Variants in HDAC9 observed in about 807,000 individuals in gnomAD.
HDAC9 encodes MEF-2 interacting transcription repressor (MITR) protein.
In HDAC9, 41 loss-of-function variants were observed where a neutral mutation model predicts 139.4. The ratio of observed to expected loss-of-function variants is 0.29; its 90% CI spans 0.23 to 0.38. HDAC9 has a LOEUF of 0.38. Among genes scored for constraint, HDAC9 ranks in the 10% least tolerant of loss-of-function variants. The pLI is 1.00. For synonymous variants in HDAC9, 517 were observed against 476.2 expected, an observed-to-expected ratio of 1.09 and a Z score of -1.12; for missense variants, 1,147 against 1,297.0, an observed-to-expected ratio of 0.88 and a Z score of 1.78.
rs1443522995 is a variant in HDAC9 at position 18,953,488 on chromosome 7, G to A, written c.2938-658G>A. Among the ~76,000 whole-genome samples the A allele has an allele frequency of 2.6e-5, 4 of 152,218 alleles. No homozygotes were observed. In the East Asian group the frequency reaches 7.7e-4, roughly 29 times the overall value. ...TGCTGAGCTTCTCCATGAAAAATTA[G>A]TGTAATTCCAGAAGATTATGATAGA... On this transcript the variant is annotated intron_variant, in intron 23 of 25. Transcript: ENST00000686413.
intron 17 of HDAC9, among the ~76,000 whole-genome samples, chr7:18,800,615 T>C (rs976958330): frequency 6.6e-6 from 1 of 152,156 alleles, no homozygotes; most frequent in Non-Finnish European, 1.5e-5. Flanking sequence ...GGTGGATTAC[T>C]TGAGCTCAGG....
chr7:18,158,859 G>A (rs1275865061), intron 1 of HDAC9, among the ~76,000 whole-genome samples: 3 of 152,196 alleles, frequency 2.0e-5, no homozygotes, highest in Non-Finnish European at 4.4e-5. Flanking sequence ...GGCTGCATGG[G>A]TAAGCTGAGA....
At chr7:18,801,066 AG>A (rs1793247695) in intron 17 of HDAC9, among the ~76,000 whole-genome samples, 1 of 152,026 alleles carries the variant, frequency 6.6e-6, no homozygotes, top group Non-Finnish European at 1.5e-5. Flanking sequence ...AAATAATGAC[AG>A]TTTTATTTCT....
chr7:18,978,734 T>C (rs1041929465), intron 25 of HDAC9, among the ~76,000 whole-genome samples: 1 of 152,220 alleles, frequency 6.6e-6, no homozygotes, highest in Non-Finnish European at 1.5e-5. Context: ...TAAACAATTG[T>C]AGTTTGCATT....
chr7:18,983,027 T>G (rs1378404493), intron 25 of HDAC9, among the ~76,000 whole-genome samples: 2 of 152,184 alleles, frequency 1.3e-5, no homozygotes, highest in Admixed American at 6.6e-5. Flanking sequence ...TTTATATGTG[T>G]ATTGTTGTGC....
chr7:18,460,967 A>G (rs1435074860), intron 1 of HDAC9, among the ~76,000 whole-genome samples: 1 of 152,154 alleles, frequency 6.6e-6, no homozygotes, highest in African/African-American at 2.4e-5. Context: ...CTGGAAAATA[A>G]GCAATGATTT....
intron 13 of HDAC9, among the ~76,000 whole-genome samples, chr7:18,733,015 G>GTGTGTGTA (rs1194100071): frequency 3.1e-4 from 44 of 142,618 alleles, no homozygotes; most frequent in African/African-American, 1.1e-3. Flanking sequence ...ACATGTGTAT[G>GTGTGTGTA]TGTGTATATA....
chr7:18,586,023 C>T (rs1259564893), intron 3 of HDAC9, among the ~76,000 whole-genome samples: 1 of 152,096 alleles, frequency 6.6e-6, no homozygotes, highest in Non-Finnish European at 1.5e-5. Context: ...ATAATGTACA[C>T]ATTCAAAATA....
At chr7:18,986,821 C>G (rs1785397722) in intron 25 of HDAC9, among the ~76,000 whole-genome samples, 1 of 152,084 alleles carries the variant, frequency 6.6e-6, no homozygotes, top group South Asian at 2.1e-4. Context: ...GTATTTTATT[C>G]TCTTTGAAGC....
intron 2 of HDAC9, among the ~76,000 whole-genome samples, chr7:18,274,232 T>C (rs1796569995): frequency 6.6e-6 from 1 of 152,204 alleles, no homozygotes; most frequent in Non-Finnish European, 1.5e-5. Context: ...GGCTGGATAA[T>C]TTATTTTTAA....
chr7:18,647,849 T>C lies in HDAC9; in HGVS notation c.1100T>C (p.Leu367Pro). The C allele has an allele frequency of 6.2e-7, 1 of 1,612,630 alleles. No individual in the cohort carries two copies. The highest frequency in any genetic ancestry group is 1.7e-4 in the Middle Eastern group (1 of 6,054). Residue 367 changes from leucine to proline, a missense_variant, in exon 10 of 26, where the codon CTG (leucine) becomes CCG (proline). Physicochemically the swap from Leu to Pro is moderately conservative, Grantham distance 98. Coordinates refer to ENST00000686413, the MANE Select transcript of HDAC9 (RefSeq NM_178425.4). ...CAGACGCTTAGGCAAGGTGTTCCTC[T>C]GCCTGGGCAGTATGGAGGCAGCATC... ...ETQTLRQGVPLPGQYGGSIPA... is the reference protein window; with the variant it reads ...ETQTLRQGVPPPGQYGGSIPA...
intron 6 of HDAC9, among the ~76,000 whole-genome samples, chr7:18,611,863 C>A (rs879761944): frequency 7.2e-5 from 11 of 152,058 alleles, no homozygotes; most frequent in Non-Finnish European, 1.6e-4. Flanking sequence ...GAGATATTTT[C>A]AATGGAAAAC....
intron 1 of HDAC9, among the ~76,000 whole-genome samples, chr7:18,463,193 T>G (rs1366424523): frequency 2.6e-5 from 4 of 152,174 alleles, no homozygotes; most frequent in African/African-American, 9.6e-5. Context: ...TGTTTACGAA[T>G]GAGATTAGTT....
intron 22 of HDAC9, among the ~76,000 whole-genome samples, chr7:18,891,430 T>C (rs1585238007): frequency 6.6e-6 from 1 of 152,212 alleles, no homozygotes; most frequent in East Asian, 1.9e-4. Context: ...TTAGAACTTT[T>C]CCTGTTGTTT....
chr7:18,404,506 C>T (rs1362097717), intron 1 of HDAC9, among the ~76,000 whole-genome samples: 3 of 152,248 alleles, frequency 2.0e-5, no homozygotes, highest in Non-Finnish European at 2.9e-5. Context: ...GTTTCCAGTG[C>T]TTAGTGCCTA....
At chr7:18,654,535 A>C (rs189792233) in intron 11 of HDAC9, among the ~76,000 whole-genome samples, 25 of 152,240 alleles carry the variant, frequency 1.6e-4, no homozygotes, top group Admixed American at 7.2e-4. Flanking sequence ...AGATTGAGCA[A>C]GGTGGCAGGG....
chr7:18,991,497 T>C (rs1227138028), intron 25 of HDAC9, among the ~76,000 whole-genome samples: 1 of 152,058 alleles, frequency 6.6e-6, no homozygotes, highest in African/African-American at 2.4e-5. Flanking sequence ...ATTAGCCAGG[T>C]GTGGTGGCAG....
At chr7:18,657,887 C>T (rs945193189) in intron 11 of HDAC9, among the ~76,000 whole-genome samples, 6 of 152,010 alleles carry the variant, frequency 3.9e-5, no homozygotes, top group African/African-American at 1.4e-4. Context: ...TGATTCTTGC[C>T]TCCTCCCTTG....
chr7:18,400,644 T>C (rs886198763), intron 1 of HDAC9, among the ~76,000 whole-genome samples: 10 of 152,132 alleles, frequency 6.6e-5, no homozygotes, highest in African/African-American at 2.4e-4. Context: ...CTTAGAAAAG[T>C]TGAGAACCCT....
Sources: gnomAD v4.1 joint callset for allele counts (sites outside exome capture counted in the v4.1 genomes callset) on GRCh38, gnomAD v4.1.1 for gene constraint, MANE v1.5 for transcripts, NCBI Gene and HGNC (gene_info 2026-07-23, HGNC 2026-07-21) for gene names.